The following SLC25A33 variants were observed in gnomAD, a reference collection of about 807,000 sequenced individuals.
The protein encoded by SLC25A33 is solute carrier family 25 member 33, also known as bone marrow stromal cell mitochondrial carrier protein.
In SLC25A33, 15 loss-of-function variants were observed where a neutral mutation model predicts 35.5. That is an observed-to-expected ratio of 0.42 (90% CI 0.28 to 0.65). The LOEUF (loss-of-function observed/expected upper bound fraction) is 0.65. Among genes scored for constraint, SLC25A33 ranks in the 30% least tolerant of loss-of-function variants. The pLI, the probability that SLC25A33 is intolerant of heterozygous loss-of-function variation, is 0.20. For synonymous variants in SLC25A33, 136 were observed against 148.7 expected (o/e 0.91, Z 0.62); for missense variants, 257 against 398.5 (o/e 0.64, Z 3.02).
intron 1 of SLC25A33, among the ~76,000 whole-genome samples, chr1:9,546,373 A>G (rs185380904): frequency 1.3e-5 from 2 of 151,578 alleles, no homozygotes; most frequent in African/African-American, 2.4e-5. Flanking sequence ...TTTAGTAGAG[A>G]CGGGGTTTCA....
intron 5 of SLC25A33, 69 bp downstream of exon 5, chr1:9,573,481 C>T: frequency 1.6e-6 from 2 of 1,271,170 alleles, no homozygotes; most frequent in Non-Finnish European, 1.1e-6. Flanking sequence ...CCCAATTCCT[C>T]CACATCTCTA....
rs1643039411 is a variant in SLC25A33, at chr1:9,539,484, G to A, written c.-208G>A. On this transcript the variant is annotated 5_prime_UTR_variant, in exon 1 of 7. Transcript: ENST00000302692. ...GGCTCTAGCTCCCCGCCGGGCTCGCGCCGCAGAGGCCGGTGAGGCGCCGGC... is the reference window on the plus strand; with the variant it reads ...GGCTCTAGCTCCCCGCCGGGCTCGCACCGCAGAGGCCGGTGAGGCGCCGGC... The A allele has an allele frequency of 5.0e-6, 1 of 198,674 alleles. No homozygotes were observed. 12.3% of individuals were successfully genotyped at this position (198,674 alleles called of 1,614,324 possible). A position where few individuals can be genotyped will look rare whatever the true frequency, so the allele number is the denominator to read the frequency against.
chr1:9,542,175 A>G (rs1218187083), intron 1 of SLC25A33, among the ~76,000 whole-genome samples: 1 of 152,170 alleles, frequency 6.6e-6, no homozygotes. Context: ...GTTGAGGCTC[A>G]CTGTGAGATG....
chr1:9,584,806 C>T lies in SLC25A33; in HGVS notation c.*2305C>T, dbSNP rs539299385. The T allele has an allele frequency of 4.6e-5, 7 of 152,316 alleles. No homozygotes were observed. Among genetic ancestry groups the T allele is most frequent in the African/African-American group, 1.4e-4 (6 of 41,542 alleles). 9.4% of individuals were successfully genotyped at this position (152,316 alleles called of 1,614,324 possible). On this transcript the variant is annotated 3_prime_UTR_variant, in exon 7 of 7. Transcript: ENST00000302692. ...CATAGCTCACTGTAACCTCAAACTCCTGGGCACAAGGGATCCTCGCATCTC... is the reference window on the plus strand; with the variant it reads ...CATAGCTCACTGTAACCTCAAACTCTTGGGCACAAGGGATCCTCGCATCTC...
chr1:9,562,635 A>C (rs1003081378), intron 2 of SLC25A33, among the ~76,000 whole-genome samples: 2 of 152,130 alleles, frequency 1.3e-5, no homozygotes, highest in Non-Finnish European at 2.9e-5. Context: ...TGGGCAGATC[A>C]CTTGAGGTAG....
rs1569886951 is a variant in SLC25A33 at position 9,584,196 on chromosome 1, A to C, written c.*1695A>C. The stretch of plus-strand genomic sequence containing the variant: ...AGATACTCATTTCTAATACCTATGC[A>C]CTGTAGTTTCAGGTTTACTTGCAGA... On this transcript the variant is annotated 3_prime_UTR_variant, in exon 7 of 7. Transcript: ENST00000302692. 6.6e-6 allele frequency: 1 copy of C among 152,182 alleles called. No homozygotes were observed. Among genetic ancestry groups the C allele is most frequent in the African/African-American group, 2.4e-5 (1 of 41,444 alleles). The allele number at this position is 152,182 out of a possible 1,614,324, so 9.4% of individuals were successfully genotyped here. A position where few individuals can be genotyped will look rare whatever the true frequency, so the allele number is the denominator to read the frequency against.
At chr1:9,543,149 T>G (rs150318411) in intron 1 of SLC25A33, among the ~76,000 whole-genome samples, 2,746 of 151,252 alleles carry the variant, frequency 0.018, 42 homozygotes, top group Non-Finnish European at 0.029. Context: ...ATTTATTTAT[T>G]TATTTATTTT....
chr1:9,564,738 AAATATATAT>A (rs1278746948), intron 2 of SLC25A33, among the ~76,000 whole-genome samples: 3 of 84,612 alleles, frequency 3.5e-5, no homozygotes, highest in African/African-American at 1.5e-4. Context: ...AAAAAAAAAA[AAATATATAT>A]ATATATATAT....
chr1:9,581,251 G>A (rs998270903), intron 6 of SLC25A33, among the ~76,000 whole-genome samples: 1 of 152,200 alleles, frequency 6.6e-6, no homozygotes. Flanking sequence ...GGTGGGCAAA[G>A]GCTGGCAAAG....
intron 3 of SLC25A33, among the ~76,000 whole-genome samples, chr1:9,569,020 C>T (rs1013269867): frequency 2.6e-5 from 4 of 152,046 alleles, no homozygotes; most frequent in African/African-American, 7.2e-5. Context: ...CCGAGGCAGG[C>T]GGATTACTTG....
chr1:9,572,072 A>G (rs1013549592), intron 4 of SLC25A33, among the ~76,000 whole-genome samples: 1 of 152,308 alleles, frequency 6.6e-6, no homozygotes, highest in Admixed American at 6.5e-5. Context: ...ACCTGTCTGA[A>G]TATTTATAGC....
chr1:9,560,453 A>G (rs1401166501), intron 2 of SLC25A33, among the ~76,000 whole-genome samples: 1 of 145,812 alleles, frequency 6.9e-6, no homozygotes, highest in African/African-American at 2.5e-5. Context: ...AATCCCGGCT[A>G]CTCGGGAGGT....
chr1:9,549,419 GGGGGGATGAACTGATGGTGGGATCAATGC>G, intron 1 of SLC25A33, among the ~76,000 whole-genome samples: 1 of 112,578 alleles, frequency 8.9e-6, no homozygotes, highest in East Asian at 3.3e-4. Context: ...GGATCAATGG[GGGGGGATGAACTGATGGTGGGATCAATGC>G]GGGGGATGAA....
At chr1:9,571,866 A>G (rs953014844) in intron 4 of SLC25A33, among the ~76,000 whole-genome samples, 2 of 152,096 alleles carry the variant, frequency 1.3e-5, no homozygotes, top group African/African-American at 4.8e-5. Flanking sequence ...GTCTCGAACT[A>G]CTGAACTCAA....
rs191380305 is a variant in SLC25A33, at chr1:9,541,547, T to C, written c.56+1800T>C. ...CCTCAAGTGATGGCCCACCTTGGCC[T>C]CCCAAATTGCTGGGATTACAGGCGT... On this transcript the variant is annotated intron_variant, in intron 1 of 6. Coordinates refer to ENST00000302692, the MANE Select transcript of SLC25A33 (RefSeq NM_032315.3). 2.2e-3 allele frequency among the ~76,000 whole-genome samples: 330 copies of C among 152,306 alleles called. 1 individual carries two copies. Among genetic ancestry groups the C allele is most frequent in the Non-Finnish European group, 3.5e-3 (236 of 68,026 alleles).
In SLC25A33 at chr1:9,582,454, T is replaced by C. The variant is rs759909065; in HGVS notation, c.919T>C (p.Ser307Pro). Residue 307 changes from serine (S) to proline (P), a missense_variant, in exon 7 of 7, where the codon TCT (serine) becomes CCT (proline). Physicochemically the swap from Ser to Pro is moderately conservative, Grantham distance 74. Coordinates refer to ENST00000302692, the MANE Select transcript of SLC25A33 (RefSeq NM_032315.3). The surrounding 1 kb of genome is among the most constrained non-coding windows in gnomAD (Gnocchi z 4.0). The stretch of plus-strand genomic sequence containing the variant: ...GATCCCAAATACTGCCATTGTGTTG[T>C]CTACTTATGAGTTAATTGTGTACCT... Reference protein sequence around the residue: ...RQIPNTAIVLSTYELIVYLLE... With the variant: ...RQIPNTAIVLPTYELIVYLLE... 2 of 1,613,918 alleles carry C rather than the reference T, an allele frequency of 1.2e-6. No individual in the cohort carries two copies. The highest frequency in any genetic ancestry group is 1.7e-6 in the Non-Finnish European group (2 of 1,179,850).
chr1:9,552,803 A>T (rs181014604), intron 1 of SLC25A33, among the ~76,000 whole-genome samples: 1 of 152,208 alleles, frequency 6.6e-6, no homozygotes, highest in African/African-American at 2.4e-5. Flanking sequence ...GGGCACTCAG[A>T]ATACCTAGAT....
chr1:9,540,076 G>A (rs1356589510), intron 1 of SLC25A33, among the ~76,000 whole-genome samples: 1 of 152,156 alleles, frequency 6.6e-6, no homozygotes, highest in African/African-American at 2.4e-5. Flanking sequence ...TGGACGCTGT[G>A]GCGCGGCCCC....
chr1:9,550,109 G>C (rs1479879473), intron 1 of SLC25A33, among the ~76,000 whole-genome samples: 20 of 136,794 alleles, frequency 1.5e-4, no homozygotes, highest in African/African-American at 5.2e-4. Flanking sequence ...ACCTCCTTGG[G>C]TTCAGGTGAT....
Sources: allele counts gnomAD v4.1 joint callset (sites outside exome capture counted in the v4.1 genomes callset), GRCh38; gene constraint gnomAD v4.1.1; non-coding constraint Gnocchi (gnomAD v3.1); transcripts MANE v1.5; gene names NCBI Gene and HGNC (gene_info 2026-07-23, HGNC 2026-07-21).